Variants in GRIP1 observed in about 807,000 individuals in gnomAD.
The protein encoded by GRIP1 is glutamate receptor interacting protein 1.
Under a neutral mutation model 129.9 loss-of-function variants are expected in GRIP1, and 45 were observed. The observed-to-expected ratio is 0.35, with a 90% confidence interval of 0.27 to 0.44. The LOEUF is 0.44. Ranked by LOEUF, GRIP1 falls within the 20% of genes least tolerant of loss-of-function variation. The pLI, the probability that GRIP1 is intolerant of heterozygous loss-of-function variation, is 1.00. For synonymous variants in GRIP1, 530 were observed against 520.8 expected (o/e 1.02, Z -0.24); for missense variants, 1,196 against 1,396.8 (o/e 0.86, Z 2.29).
intron 1 of GRIP1, among the ~76,000 whole-genome samples, chr12:66,896,114 T>C (rs1186054145): frequency 1.3e-5 from 2 of 152,172 alleles, no homozygotes; most frequent in African/African-American, 4.8e-5. Flanking sequence ...ATTTAAAGTA[T>C]AGCTAGAACT....
In GRIP1 at chr12:66,438,046, G is replaced by A. The variant is rs148177572; in HGVS notation, c.1688-5418C>T. Among the ~76,000 whole-genome samples the A allele has an allele frequency of 2.0e-5, 3 of 152,312 alleles. No homozygotes were observed. In the East Asian group the frequency reaches 5.8e-4, roughly 29 times the overall value. On this transcript the variant is annotated intron_variant, in intron 13 of 24. Transcript: ENST00000359742. ...ATTTCACCACTAATGTTCTGTTATTGTAGTTAACAATAATTAACCATTAAT... is the reference window on the plus strand; with the variant it reads ...ATTTCACCACTAATGTTCTGTTATTATAGTTAACAATAATTAACCATTAAT...
At chr12:66,741,942 C>T (rs1381909972) in intron 1 of GRIP1, among the ~76,000 whole-genome samples, 1 of 152,082 alleles carries the variant, frequency 6.6e-6, no homozygotes, top group Non-Finnish European at 1.5e-5. Context: ...TCATTGCTTC[C>T]CAACCTCTCT....
chr12:66,532,816 G>A (rs2061498224), intron 4 of GRIP1, among the ~76,000 whole-genome samples: 1 of 151,834 alleles, frequency 6.6e-6, no homozygotes, highest in Non-Finnish European at 1.5e-5. Flanking sequence ...GTCTATTTTA[G>A]AACTGAGAAG....
intron 1 of GRIP1, among the ~76,000 whole-genome samples, chr12:66,850,220 T>C (rs1353370826): frequency 6.6e-6 from 1 of 152,142 alleles, no homozygotes; most frequent in South Asian, 2.1e-4. Flanking sequence ...AGCTTATCCA[T>C]TGAATACATT....
At chr12:67,066,886 A>ATTTT (rs1555170034) in intron 1 of GRIP1, among the ~76,000 whole-genome samples, 7 of 116,704 alleles carry the variant, frequency 6.0e-5, no homozygotes, top group African/African-American at 1.0e-4. Flanking sequence ...TTAAATATAT[A>ATTTT]TTTATATATA....
intron 23 of GRIP1, among the ~76,000 whole-genome samples, chr12:66,359,419 G>A (rs1371498048): frequency 1.3e-5 from 2 of 152,206 alleles, no homozygotes; most frequent in African/African-American, 4.8e-5. Context: ...CCCAGGAGGG[G>A]CACAAGGAAG....
rs2041798975 is a variant in GRIP1 at position 66,953,890 on chromosome 12, G to A, written c.58+115160C>T. On this transcript the variant is annotated intron_variant, in intron 1 of 1. Coordinates refer to the GRIP1 transcript ENST00000643019. ...AATAATAAGGATACGGTCTTTCTCA[G>A]CTCCTCTAGTAAAACTTCATACTCA... Among the ~76,000 whole-genome samples, 4 of 152,084 alleles carry A rather than the reference G, an allele frequency of 2.6e-5. 1 individual carries two copies. The South Asian group carries it at 6.2e-4, about 24-fold the overall frequency.
At chr12:66,409,819 G>A (rs896605446) in intron 15 of GRIP1, among the ~76,000 whole-genome samples, 1 of 152,142 alleles carries the variant, frequency 6.6e-6, no homozygotes, top group East Asian at 1.9e-4. Flanking sequence ...CATAAATTCA[G>A]AATCCTATCA....
Position 66,717,383 on chromosome 12 carries a change from T to TAA in GRIP1, c.-420+86668_-420+86669dup, listed in dbSNP as rs11403679. ...AATGGGCTTGAATTTTTGCTCACTGTAAAAAAAAAAAAAGTCACCACATGG... is the reference window on the plus strand; with the variant it reads ...AATGGGCTTGAATTTTTGCTCACTGTAAAAAAAAAAAAAAAGTCACCACATGG... On this transcript the variant is annotated intron_variant, in intron 1 of 4. Transcript: ENST00000538373. 9.2e-3 allele frequency among the ~76,000 whole-genome samples: 1,351 copies of TAA among 146,656 alleles called. 18 individuals are homozygous for TAA. Among genetic ancestry groups the TAA allele is most frequent in the African/African-American group, 0.03 (1,187 of 40,052 alleles).
At chr12:66,786,886 C>T (rs1284773609) in intron 1 of GRIP1, among the ~76,000 whole-genome samples, 1 of 152,124 alleles carries the variant, frequency 6.6e-6, no homozygotes, top group Non-Finnish European at 1.5e-5. Context: ...TCTTAAGAAC[C>T]ATGTAATAAT....
At chr12:66,392,051 C>G (rs2056609001) in intron 19 of GRIP1, among the ~76,000 whole-genome samples, 1 of 152,150 alleles carries the variant, frequency 6.6e-6, no homozygotes, top group South Asian at 2.1e-4. Context: ...AGGACAAGCC[C>G]TGGATGGGAT....
intron 1 of GRIP1, among the ~76,000 whole-genome samples, chr12:66,958,386 C>T (rs2041874203): frequency 6.6e-6 from 1 of 152,126 alleles, no homozygotes; most frequent in Admixed American, 6.6e-5. Flanking sequence ...CCCATCTTGG[C>T]CTCCCTAAGT....
chr12:66,634,904 G>A (rs2031203951), intron 1 of GRIP1, among the ~76,000 whole-genome samples: 1 of 152,140 alleles, frequency 6.6e-6, no homozygotes. Context: ...GAGATCTCTG[G>A]ACCCAATAAC....
At chr12:66,365,185 C>T (rs558926963) in intron 23 of GRIP1, among the ~76,000 whole-genome samples, 38 of 152,242 alleles carry the variant, frequency 2.5e-4, no homozygotes, top group African/African-American at 8.7e-4. Context: ...CCTGTAATCC[C>T]AGCACTTTGG....
At chr12:66,481,715 T>C (rs2059811850) in intron 7 of GRIP1, among the ~76,000 whole-genome samples, 1 of 152,174 alleles carries the variant, frequency 6.6e-6, no homozygotes, top group African/African-American at 2.4e-5. Flanking sequence ...CCATCAATGA[T>C]AGACTGGATA....
intron 1 of GRIP1, among the ~76,000 whole-genome samples, chr12:66,943,487 C>T (rs780287049): frequency 1.2e-4 from 18 of 152,182 alleles, no homozygotes; most frequent in Non-Finnish European, 2.5e-4. Context: ...TTAAAGACAT[C>T]CTTATTTAAA....
At chr12:66,409,173 C>A (rs924948096) in intron 15 of GRIP1, among the ~76,000 whole-genome samples, 16 of 152,134 alleles carry the variant, frequency 1.1e-4, no homozygotes, top group African/African-American at 3.9e-4. Context: ...CTTGAGTGAA[C>A]ATGGCCTAGT....
At chr12:66,372,381 G>A in intron 22 of GRIP1, 1 of 250,146 alleles carries the variant, frequency 4.0e-6, no homozygotes, top group Non-Finnish European at 7.9e-6. Context: ...ATCTCCAACT[G>A]CAGTTAACAA....
At chr12:67,052,156 A>G (rs1369745842) in intron 1 of GRIP1, among the ~76,000 whole-genome samples, 1 of 152,178 alleles carries the variant, frequency 6.6e-6, no homozygotes. Flanking sequence ...TTATATTCAT[A>G]ATCATTTTTT....
Sources: gnomAD v4.1 joint callset for allele counts (sites outside exome capture counted in the v4.1 genomes callset) on GRCh38, gnomAD v4.1.1 for gene constraint, MANE v1.5 for transcripts, NCBI Gene and HGNC (gene_info 2026-07-23, HGNC 2026-07-21) for gene names.